The following FBLN5 variants were observed in gnomAD, a reference collection of about 807,000 sequenced individuals.
FBLN5 encodes fibulin-5.
FBLN5 carries 24 observed loss-of-function variants against 61.6 expected under a neutral mutation model. The ratio of observed to expected loss-of-function variants is 0.39; its 90% CI spans 0.28 to 0.55. The LOEUF (loss-of-function observed/expected upper bound fraction) is 0.55. Among genes scored for constraint, FBLN5 ranks in the 20% least tolerant of loss-of-function variants. The pLI is 0.65. For synonymous variants in FBLN5, 213 were observed against 219.8 expected, an observed-to-expected ratio of 0.97 and a Z score of 0.27; for missense variants, 470 against 594.1, an observed-to-expected ratio of 0.79 and a Z score of 2.17.
Position 91,943,019 on chromosome 14 carries a change from G to T in FBLN5, c.18-58C>A. ...AAGACAGATTCAGGTCTAGGGGAGT[G>T]TGGGTCGCATGCGGCCCGTGACGTG... On this transcript the variant is annotated intron_variant, in intron 1 of 10. Transcript: ENST00000342058. This position sits in a 1 kb window ranked among gnomAD's most constrained non-coding sequence, Gnocchi z 4.0. 1 of 1,189,642 alleles carries T rather than the reference G, an allele frequency of 8.4e-7. No individual in the cohort carries two copies. The highest frequency in any genetic ancestry group is 1.2e-6 in the Non-Finnish European group (1 of 815,776). The allele number at this position is 1,189,642 out of a possible 1,614,324, so 73.7% of individuals were successfully genotyped here. A position where few individuals can be genotyped will look rare whatever the true frequency, so the allele number is the denominator to read the frequency against.
chr14:91,926,264 C>T (rs2055827211), intron 4 of FBLN5, among the ~76,000 whole-genome samples: 1 of 152,176 alleles, frequency 6.6e-6, no homozygotes, highest in Admixed American at 6.5e-5. Flanking sequence ...GAAGCCCTGG[C>T]CTCTGTGCCT....
Position 91,947,421 on chromosome 14 carries a change from C to G in FBLN5, c.-192G>C. 1 of 662,916 alleles carries G rather than the reference C, an allele frequency of 1.5e-6. No individual in the cohort carries two copies. Among genetic ancestry groups the G allele is most frequent in the Admixed American group, 2.6e-5 (1 of 39,074 alleles). The allele number at this position is 662,916 out of a possible 1,614,324, so 41.1% of individuals were successfully genotyped here. A position where few individuals can be genotyped will look rare whatever the true frequency, so the allele number is the denominator to read the frequency against. ...GTCCTCCCAGCCACTGCAGAGCCCTCAGCGCAAGCACCTGGTTTTGCTTAG... is the reference window on the plus strand; with the variant it reads ...GTCCTCCCAGCCACTGCAGAGCCCTGAGCGCAAGCACCTGGTTTTGCTTAG... On this transcript the variant is annotated 5_prime_UTR_variant, in exon 1 of 11. Transcript: ENST00000342058. This position sits in a 1 kb window ranked among gnomAD's most constrained non-coding sequence, Gnocchi z 4.3.
At chr14:91,877,713 A>G in intron 9 of FBLN5, 31 bp from the exon 10 acceptor site, 1 of 1,580,270 alleles carries the variant, frequency 6.3e-7, no homozygotes, top group Non-Finnish European at 8.7e-7. Flanking sequence ...TGAGAACTCA[A>G]GAAATCCATT....
chr14:91,901,353 GC>G (rs1302211577), intron 4 of FBLN5, among the ~76,000 whole-genome samples: 2 of 152,116 alleles, frequency 1.3e-5, no homozygotes, highest in Non-Finnish European at 2.9e-5. Context: ...CTTTCCAAGA[GC>G]CCTTGGAAGA....
At chr14:91,926,884 C>T (rs568098284) in intron 4 of FBLN5, among the ~76,000 whole-genome samples, 7 of 152,194 alleles carry the variant, frequency 4.6e-5, no homozygotes, top group Admixed American at 6.5e-5. Flanking sequence ...AAAACATTCC[C>T]GGAAGATAAG....
rs1004447670 is a variant in FBLN5, at chr14:91,878,401, T to A, written c.990-719A>T. On this transcript the variant is annotated intron_variant, in intron 9 of 10. Coordinates refer to ENST00000342058, the MANE Select transcript of FBLN5 (RefSeq NM_006329.4). ...ACTTTTACTACCAAAGAATGCCTGT[T>A]ATAGACACCCCTTGATTCACCCCTA... Among the ~76,000 whole-genome samples, 5 of 152,204 alleles carry A rather than the reference T, an allele frequency of 3.3e-5. No homozygotes were observed. In the East Asian group the frequency reaches 9.6e-4, roughly 29 times the overall value.
intron 4 of FBLN5, among the ~76,000 whole-genome samples, chr14:91,915,686 C>CAAAA (rs34675184): frequency 6.4e-4 from 28 of 43,734 alleles, no homozygotes; most frequent in East Asian, 1.1e-3. Flanking sequence ...GACTCCATCT[C>CAAAA]AAAAAAAAAA....
At chr14:91,931,672 C>T (rs544008644) in intron 4 of FBLN5, among the ~76,000 whole-genome samples, 5 of 152,350 alleles carry the variant, frequency 3.3e-5, no homozygotes, top group African/African-American at 1.2e-4. Context: ...ATTTCACAAA[C>T]ATGAGTTACT....
chr14:91,921,487 A>T (rs1288763881), intron 4 of FBLN5, among the ~76,000 whole-genome samples: 1 of 152,064 alleles, frequency 6.6e-6, no homozygotes, highest in Non-Finnish European at 1.5e-5. Flanking sequence ...ATAAAAAGCC[A>T]CCAATCAGTG....
At chr14:91,884,364 C>T (rs1214217089) in intron 7 of FBLN5, among the ~76,000 whole-genome samples, 1 of 152,206 alleles carries the variant, frequency 6.6e-6, no homozygotes, top group African/African-American at 2.4e-5. Flanking sequence ...TCCAGCCCAT[C>T]ATAACTGACT....
chr14:91,880,519 G>GTGCA (rs999149308), intron 9 of FBLN5, among the ~76,000 whole-genome samples: 3 of 113,066 alleles, frequency 2.7e-5, no homozygotes, highest in African/African-American at 3.3e-5. Flanking sequence ...CTGTGGGAGT[G>GTGCA]TGCGTGCGTG....
At chr14:91,911,464 A>G (rs1271122647) in intron 4 of FBLN5, among the ~76,000 whole-genome samples, 1 of 152,218 alleles carries the variant, frequency 6.6e-6, no homozygotes, top group Non-Finnish European at 1.5e-5. Flanking sequence ...CTCAGTCAAG[A>G]CTGGCAATAG....
intron 4 of FBLN5, among the ~76,000 whole-genome samples, chr14:91,928,381 C>A (rs2055864319): frequency 6.6e-6 from 1 of 152,180 alleles, no homozygotes; most frequent in Non-Finnish European, 1.5e-5. Flanking sequence ...CCCATGTACT[C>A]CCTTCTCAGA....
At chr14:91,921,342 C>A (rs1379471894) in intron 4 of FBLN5, among the ~76,000 whole-genome samples, 1 of 152,154 alleles carries the variant, frequency 6.6e-6, no homozygotes, top group African/African-American at 2.4e-5. Flanking sequence ...GAGCCTTCAG[C>A]CAATAGCCAG....
rs1480883407 is a variant in FBLN5 at position 91,869,990 on chromosome 14, C to G, written c.*234G>C. 1 of 552,144 alleles carries G rather than the reference C, an allele frequency of 1.8e-6. No individual in the cohort carries two copies. 34.2% of individuals were successfully genotyped at this position (552,144 alleles called of 1,614,324 possible). A position where few individuals can be genotyped will look rare whatever the true frequency, so the allele number is the denominator to read the frequency against. On this transcript the variant is annotated 3_prime_UTR_variant, in exon 11 of 11. Transcript: ENST00000342058. ...CACCAACAATCTTCTATCAGGGGAGCAATGATAATACTTTTTGATAACTGT... is the reference window on the plus strand; with the variant it reads ...CACCAACAATCTTCTATCAGGGGAGGAATGATAATACTTTTTGATAACTGT...
At chr14:91,918,290 T>C (rs1159498770) in intron 4 of FBLN5, among the ~76,000 whole-genome samples, 1 of 152,236 alleles carries the variant, frequency 6.6e-6, no homozygotes, top group East Asian at 1.9e-4. Flanking sequence ...TCAGGCTTTC[T>C]GGAGTGTGTG....
At chr14:91,938,104 C>G (rs1052702732) in intron 3 of FBLN5, among the ~76,000 whole-genome samples, 7 of 152,216 alleles carry the variant, frequency 4.6e-5, no homozygotes, top group Non-Finnish European at 1.0e-4. Context: ...TAACAATTGT[C>G]TCCACTTCTA....
chr14:91,917,597 A>AAAG (rs1555377990), intron 4 of FBLN5, among the ~76,000 whole-genome samples: 143 of 150,170 alleles, frequency 9.5e-4, no homozygotes, highest in African/African-American at 3.2e-3. Context: ...AAAAAAAAAA[A>AAAG]AAAGAAAGAA....
intron 5 of FBLN5, among the ~76,000 whole-genome samples, chr14:91,893,632 C>T (rs943207413): frequency 2.0e-5 from 3 of 152,188 alleles, no homozygotes; most frequent in Non-Finnish European, 2.9e-5. Context: ...AAATCACACC[C>T]TAGAATTAGA....
Sources: allele counts gnomAD v4.1 joint callset (sites outside exome capture counted in the v4.1 genomes callset), GRCh38; gene constraint gnomAD v4.1.1; non-coding constraint Gnocchi (gnomAD v3.1); transcripts MANE v1.5; gene names NCBI Gene and HGNC (gene_info 2026-07-23, HGNC 2026-07-21).